The following PSKH1 variants were observed in gnomAD, a reference collection of about 807,000 sequenced individuals.
PSKH1 encodes serine/threonine-protein kinase H1.
A neutral mutation model predicts 26.7 loss-of-function variants in PSKH1; 12 were observed. The observed-to-expected ratio is 0.45, with a 90% CI of 0.29 to 0.73. The LOEUF (loss-of-function observed/expected upper bound fraction) is 0.73. PSKH1 is among the 30% of genes least tolerant of loss of function. The pLI is 0.11. For missense variants in PSKH1, 431 were observed against 595.2 expected (o/e 0.72, Z 2.87); for synonymous variants, 213 against 234.3 (o/e 0.91, Z 0.83).
chr16:67,897,923 T>C (rs8054091), intron 1 of PSKH1, among the ~76,000 whole-genome samples: 23,274 of 151,964 alleles, frequency 0.15, 1,982 homozygotes, highest in African/African-American at 0.22. Context: ...TCTTGGCTCA[T>C]TGCAAGCTCT....
chr16:67,915,330 C>T (rs1394444187), intron 2 of PSKH1, among the ~76,000 whole-genome samples: 1 of 152,082 alleles, frequency 6.6e-6, no homozygotes, highest in Admixed American at 6.6e-5. Flanking sequence ...CAAATCCTGG[C>T]AGGTTCTGGT....
rs1788857944 is a variant in PSKH1, at chr16:67,908,960, A to G, written c.211A>G (p.Thr71Ala). ...CCCCGGTCCCCCGACTGCTGGCCAC[A>G]CGGAGCCTCCCTCAGAACCACCACG... ...PCPGPPTAGH[T>A]EPPSEPPRRA... Residue 71 changes from threonine (T) to alanine (A), a missense_variant, in exon 2 of 3, where the codon ACG becomes GCG. Transcript: ENST00000291041. 2 of 1,613,864 alleles carry G rather than the reference A, an allele frequency of 1.2e-6. No individual in the cohort carries two copies. Among genetic ancestry groups the G allele is most frequent in the African/African-American group, 2.7e-5 (2 of 74,926 alleles).
chr16:67,910,140 G>C (rs1285845272), intron 2 of PSKH1: 1 of 290,226 alleles, frequency 3.4e-6, no homozygotes, highest in Non-Finnish European at 6.5e-6. Flanking sequence ...TGTACTTCAT[G>C]GGTTGAGAAT....
chr16:67,922,719 G>C (rs1297059812), intron 2 of PSKH1, among the ~76,000 whole-genome samples: 1 of 152,216 alleles, frequency 6.6e-6, no homozygotes, highest in Non-Finnish European at 1.5e-5. Flanking sequence ...CTCTAAGGCC[G>C]ACAGAGAAGG....
chr16:67,917,645 C>G (rs1598192129), intron 2 of PSKH1, among the ~76,000 whole-genome samples: 1 of 152,208 alleles, frequency 6.6e-6, no homozygotes, highest in African/African-American at 2.4e-5. Context: ...ACAGGCTGTG[C>G]AGCCAGTGGA....
intron 2 of PSKH1, among the ~76,000 whole-genome samples, chr16:67,911,288 G>A (rs1204378843): frequency 2.0e-5 from 3 of 152,162 alleles, no homozygotes; most frequent in Non-Finnish European, 2.9e-5. Context: ...TTCTGTGGAG[G>A]GGAAGGAGCT....
chr16:67,915,546 T>G (rs1345740231), intron 2 of PSKH1, among the ~76,000 whole-genome samples: 2 of 152,114 alleles, frequency 1.3e-5, no homozygotes. Flanking sequence ...TACATTTTAA[T>G]GAGATTCCAG....
At chr16:67,922,184 TGC>T (rs1033450447) in intron 2 of PSKH1, among the ~76,000 whole-genome samples, 1 of 152,140 alleles carries the variant, frequency 6.6e-6, no homozygotes, top group African/African-American at 2.4e-5. Context: ...ATGCTGGCTC[TGC>T]TGCCACACAG....
At chr16:67,922,928 G>T (rs1018022471) in intron 2 of PSKH1, among the ~76,000 whole-genome samples, 1 of 152,248 alleles carries the variant, frequency 6.6e-6, no homozygotes, top group Non-Finnish European at 1.5e-5. Context: ...TCTGTCTGCA[G>T]CCTCTGCTAG....
chr16:67,908,942 C>T lies in PSKH1; in HGVS notation c.193C>T (p.Pro65Ser), dbSNP rs560568634. 1.9e-6 allele frequency: 3 copies of T among 1,613,838 alleles called. No individual in the cohort carries two copies. Among genetic ancestry groups the T allele is most frequent in the Non-Finnish European group, 2.5e-6 (3 of 1,179,842 alleles). The change falls in exon 2 of 3, where the codon CCC (proline) becomes TCC (serine). Residue 65 changes from proline (P) to serine (S), a missense_variant. By Grantham distance (74) the Pro-to-Ser change is moderately conservative (BLOSUM62 -1). Transcript: ENST00000291041. Reference protein sequence around the residue: ...ASQYAHPCPGPPTAGHTEPPS... With the variant: ...ASQYAHPCPGSPTAGHTEPPS... ...TCAGTATGCACACCCCTGCCCCGGT[C>T]CCCCGACTGCTGGCCACACGGAGCC...
chr16:67,914,439 C>T (rs889576457), intron 2 of PSKH1, among the ~76,000 whole-genome samples: 1 of 150,802 alleles, frequency 6.6e-6, no homozygotes. Context: ...AGGCGTGAGC[C>T]ACTGTGTCCG....
At chr16:67,920,290 G>A (rs1426484109) in intron 2 of PSKH1, among the ~76,000 whole-genome samples, 1 of 152,158 alleles carries the variant, frequency 6.6e-6, no homozygotes, top group African/African-American at 2.4e-5. Flanking sequence ...ACAAGGTCTT[G>A]TTGTAGAGGA....
chr16:67,927,893 A>AC lies in PSKH1; in HGVS notation c.*255dup. 1 of 524,638 alleles carries AC rather than the reference A, an allele frequency of 1.9e-6. No individual in the cohort carries two copies. The highest frequency in any genetic ancestry group is 3.4e-6 in the Non-Finnish European group (1 of 296,208). 32.5% of individuals were successfully genotyped at this position (524,638 alleles called of 1,614,324 possible). On this transcript the variant is annotated 3_prime_UTR_variant, in exon 3 of 3. Coordinates refer to ENST00000291041, the MANE Select transcript of PSKH1 (RefSeq NM_006742.3). This position sits in a 1 kb window ranked among gnomAD's most constrained non-coding sequence, Gnocchi z 5.5. ...ACTGGGAGCCTGGCCTGGCACTGAT[A>AC]CCCCTCTTGGTGGGCAGCTGCTCTG...
chr16:67,899,257 T>C (rs1400352312), intron 1 of PSKH1, among the ~76,000 whole-genome samples: 2 of 152,080 alleles, frequency 1.3e-5, no homozygotes, highest in East Asian at 3.8e-4. Flanking sequence ...TAACCACCGA[T>C]CTTGCCTCTT....
intron 2 of PSKH1, among the ~76,000 whole-genome samples, chr16:67,921,347 G>A (rs2058201877): frequency 6.6e-6 from 1 of 151,854 alleles, no homozygotes. Context: ...AGGCCGAGGC[G>A]GGCAGATCTT....
At position 67,917,664 on chromosome 16, in the gene PSKH1, C is replaced by T. The variant is rs531386476; in HGVS notation, c.957+7958C>T. Among the ~76,000 whole-genome samples the T allele has an allele frequency of 2.1e-4, 32 of 152,306 alleles. 1 individual carries two copies. Among genetic ancestry groups the T allele is most frequent in the Middle Eastern group, 3.4e-3 (1 of 294 alleles). On this transcript the variant is annotated intron_variant, in intron 2 of 2. Coordinates refer to ENST00000291041, the MANE Select transcript of PSKH1 (RefSeq NM_006742.3). ...GCTGTGCAGCCAGTGGAGTGCTCCC[C>T]TCAAGGGGCCAGACTCCAGGAGGAA...
intron 2 of PSKH1, among the ~76,000 whole-genome samples, chr16:67,920,036 C>T (rs1263473190): frequency 2.0e-5 from 3 of 152,178 alleles, no homozygotes; most frequent in African/African-American, 7.2e-5. Context: ...TCACTTTTTC[C>T]ACCTCCAGCC....
chr16:67,903,919 C>T (rs908480617), intron 1 of PSKH1, among the ~76,000 whole-genome samples: 2 of 139,974 alleles, frequency 1.4e-5, no homozygotes, highest in South Asian at 2.3e-4. Flanking sequence ...GTGTGATTAT[C>T]GCTCACTGCA....
chr16:67,904,794 CA>C (rs545230716), intron 1 of PSKH1, among the ~76,000 whole-genome samples: 99 of 151,554 alleles, frequency 6.5e-4, no homozygotes, highest in African/African-American at 2.1e-3. Context: ...GCCAATGGGA[CA>C]CCACACTCTT....
Sources: gnomAD v4.1 joint callset for allele counts (sites outside exome capture counted in the v4.1 genomes callset) on GRCh38, gnomAD v4.1.1 for gene constraint, Gnocchi (gnomAD v3.1) non-coding constraint, MANE v1.5 for transcripts, NCBI Gene and HGNC (gene_info 2026-07-23, HGNC 2026-07-21) for gene names.